The following GOLM2 variants were observed in gnomAD, a reference collection of about 807,000 sequenced individuals.
The protein encoded by GOLM2 is protein GOLM2.
GOLM2 carries 26 observed loss-of-function variants against 55.9 expected under a neutral mutation model. The observed-to-expected ratio is 0.47, with a 90% CI of 0.34 to 0.65. The LOEUF is 0.65. GOLM2 is among the 30% of genes least tolerant of loss of function. The pLI is 0.01. For synonymous variants in GOLM2, 165 were observed against 194.6 expected, an observed-to-expected ratio of 0.85 and a Z score of 1.27; for missense variants, 486 against 531.8, an observed-to-expected ratio of 0.91 and a Z score of 0.85.
At position 44,413,483 on chromosome 15, in the gene GOLM2, T is replaced by G; in HGVS notation, c.*77T>G. 4.6e-6 allele frequency: 5 copies of G among 1,077,380 alleles called. No individual in the cohort carries two copies. The highest frequency in any genetic ancestry group is 7.0e-6 in the Non-Finnish European group (5 of 714,314). 66.7% of individuals were successfully genotyped at this position (1,077,380 alleles called of 1,614,324 possible). ...CTACTTTGTCCTTTCTGACTTTTGT[T>G]GTAAAGACGAATTGTATCAGTTGTA... On this transcript the variant is annotated 3_prime_UTR_variant, in exon 10 of 10. Transcript: ENST00000299957.
chr15:44,337,017 A>G (rs1054880385), intron 4 of GOLM2, among the ~76,000 whole-genome samples: 7 of 152,200 alleles, frequency 4.6e-5, no homozygotes, highest in African/African-American at 1.7e-4. Flanking sequence ...ATTATATTTC[A>G]TACTGCATTA....
In GOLM2 at chr15:44,318,414, A is replaced by G. The variant is rs2078926491; in HGVS notation, c.328-4551A>G. Reference sequence around the variant, plus strand: ...GTTGCAGCCAGATTGACTTTTTAAAATTGCAAATTGGGACTGGGTGTGCGT... The same window carrying G: ...GTTGCAGCCAGATTGACTTTTTAAAGTTGCAAATTGGGACTGGGTGTGCGT... On this transcript the variant is annotated intron_variant, in intron 1 of 9. Transcript: ENST00000299957. 3.3e-5 allele frequency among the ~76,000 whole-genome samples: 5 copies of G among 152,308 alleles called. No individual in the cohort carries two copies. The South Asian group carries it at 8.3e-4, about 25-fold the overall frequency.
intron 1 of GOLM2, among the ~76,000 whole-genome samples, chr15:44,293,665 C>CT (rs747597934): frequency 7.2e-5 from 11 of 152,162 alleles, no homozygotes; most frequent in African/African-American, 1.9e-4. Context: ...AAGTACCAAT[C>CT]TCAACACATC....
chr15:44,374,574 G>A (rs1017611951), intron 6 of GOLM2, among the ~76,000 whole-genome samples: 9 of 152,222 alleles, frequency 5.9e-5, no homozygotes, highest in East Asian at 3.9e-4. Context: ...ATGGTTCTGC[G>A]GGCTGTACAG....
At chr15:44,362,243 G>A (rs1344380281) in intron 6 of GOLM2, among the ~76,000 whole-genome samples, 34 of 151,824 alleles carry the variant, frequency 2.2e-4, no homozygotes, top group African/African-American at 8.2e-4. Flanking sequence ...AGGAAAAGAG[G>A]AAGTCAAATT....
Position 44,402,815 on chromosome 15 carries a change from G to A in GOLM2, c.1073-72G>A, listed in dbSNP as rs2079574088. Reference sequence around the variant, plus strand: ...CCAGCTTTCACTTGTTTACTTTCTGGTCTGCCTTCCGTATAGATTCCTTCT... The same window carrying A: ...CCAGCTTTCACTTGTTTACTTTCTGATCTGCCTTCCGTATAGATTCCTTCT... On this transcript the variant is annotated intron_variant, in intron 8 of 9. Transcript: ENST00000299957. The A allele has an allele frequency of 1.5e-5, 22 of 1,483,788 alleles. No individual in the cohort carries two copies. The South Asian group carries it at 1.9e-4, about 13-fold the overall frequency. 91.9% of individuals were successfully genotyped at this position (1,483,788 alleles called of 1,614,324 possible).
At chr15:44,304,943 T>C (rs760277096) in intron 1 of GOLM2, among the ~76,000 whole-genome samples, 1 of 152,234 alleles carries the variant, frequency 6.6e-6, no homozygotes, top group Non-Finnish European at 1.5e-5. Context: ...TCATGAGAGT[T>C]GGAATCAACT....
At chr15:44,293,789 T>A in intron 1 of GOLM2, among the ~76,000 whole-genome samples, 1 of 152,326 alleles carries the variant, frequency 6.6e-6, no homozygotes, top group Middle Eastern at 3.4e-3. Context: ...TTAAAAAAAA[T>A]CTGTTTCCAT....
At chr15:44,291,858 C>T (rs1215001301) in intron 1 of GOLM2, among the ~76,000 whole-genome samples, 1 of 152,034 alleles carries the variant, frequency 6.6e-6, no homozygotes, top group Non-Finnish European at 1.5e-5. Context: ...AAATGAAAAC[C>T]TTTTTTGGAG....
chr15:44,293,686 T>C (rs975526857), intron 1 of GOLM2, among the ~76,000 whole-genome samples: 8 of 152,196 alleles, frequency 5.3e-5, no homozygotes, highest in African/African-American at 1.9e-4. Context: ...ATAACATGGG[T>C]ATGTTTTTCA....
chr15:44,348,526 G>C (rs1299598124), intron 6 of GOLM2: 1 of 152,176 alleles, frequency 6.6e-6, no homozygotes, highest in Non-Finnish European at 1.5e-5. Context: ...GTAGATTTCT[G>C]ACATTTCCAA....
chr15:44,327,143 GTTTTACCAT>G (rs2078988506), intron 2 of GOLM2, among the ~76,000 whole-genome samples: 1 of 148,752 alleles, frequency 6.7e-6, no homozygotes, highest in Non-Finnish European at 1.5e-5. Flanking sequence ...TAGAGACATG[GTTTTACCAT>G]GTTGGCCAGG....
At chr15:44,412,438 G>C (rs1447814058) in intron 9 of GOLM2, among the ~76,000 whole-genome samples, 2 of 152,016 alleles carry the variant, frequency 1.3e-5, no homozygotes, top group Admixed American at 6.6e-5. Context: ...TTTCTGTTTA[G>C]TTAAGAAAAG....
chr15:44,299,926 C>CAAAAAA (rs1009141482), intron 1 of GOLM2, among the ~76,000 whole-genome samples: 1 of 11,536 alleles, frequency 8.7e-5, no homozygotes, highest in Non-Finnish European at 2.5e-4. Flanking sequence ...GGCAACATAG[C>CAAAAAA]AAAAAAAAAA....
intron 8 of GOLM2, among the ~76,000 whole-genome samples, chr15:44,392,938 A>T (rs1159880538): frequency 7.2e-5 from 11 of 152,200 alleles, no homozygotes; most frequent in Non-Finnish European, 1.5e-4. Context: ...AAATTTAATG[A>T]TTAATTCTCA....
intron 6 of GOLM2, among the ~76,000 whole-genome samples, chr15:44,358,917 G>A (rs970885743): frequency 6.6e-6 from 1 of 152,170 alleles, no homozygotes; most frequent in African/African-American, 2.4e-5. Flanking sequence ...AGCACTTTGG[G>A]AGGCTGAGGC....
At chr15:44,396,219 G>A (rs1162662886) in intron 8 of GOLM2, among the ~76,000 whole-genome samples, 1 of 152,012 alleles carries the variant, frequency 6.6e-6, no homozygotes. Context: ...TTACATGGGT[G>A]TTGTGGTAAA....
intron 6 of GOLM2, among the ~76,000 whole-genome samples, chr15:44,365,756 T>C (rs1464768478): frequency 6.6e-6 from 1 of 151,992 alleles, no homozygotes; most frequent in Non-Finnish European, 1.5e-5. Context: ...GATACTATAA[T>C]GGGGAGACAT....
chr15:44,390,775 G>C (rs1183960998), intron 8 of GOLM2, among the ~76,000 whole-genome samples: 2 of 151,840 alleles, frequency 1.3e-5, no homozygotes, highest in Non-Finnish European at 2.9e-5. Flanking sequence ...CTCCATGTTG[G>C]TCGGGCTGGT....
Sources: allele counts gnomAD v4.1 joint callset (sites outside exome capture counted in the v4.1 genomes callset), GRCh38; gene constraint gnomAD v4.1.1; transcripts MANE v1.5; gene names NCBI Gene and HGNC (gene_info 2026-07-23, HGNC 2026-07-21).